Variants in SLCO3A1 observed in about 807,000 individuals in gnomAD.
SLCO3A1 encodes the protein solute carrier organic anion transporter family member 3A1.
In SLCO3A1, 27 loss-of-function variants were observed where a neutral mutation model predicts 63.1. The ratio of observed to expected loss-of-function variants is 0.43; its 90% confidence interval spans 0.32 to 0.59. The LOEUF is 0.59. Ranked by LOEUF, SLCO3A1 falls within the 20% of genes least tolerant of loss-of-function variation. The pLI, the probability that SLCO3A1 is intolerant of heterozygous loss-of-function variation, is 0.09. For synonymous variants in SLCO3A1, 473 were observed against 409.9 expected, an observed-to-expected ratio of 1.15 and a Z score of -1.86; for missense variants, 773 against 945.8, an observed-to-expected ratio of 0.82 and a Z score of 2.40.
chr15:92,140,680 A>G (rs531221309), intron 7 of SLCO3A1, among the ~76,000 whole-genome samples: 270 of 152,300 alleles, frequency 1.8e-3, no homozygotes, highest in African/African-American at 6.2e-3. Flanking sequence ...GGGTGCATAT[A>G]TATTTAGGAT....
At position 92,002,832 on chromosome 15, in the gene SLCO3A1, A is replaced by G. The variant is rs551856653; in HGVS notation, c.646+86374A>G. ...TTCTAGTAGAACACAAGGGATACCTATGCTGATAATATTACATGCACTGTG... is the reference window on the plus strand; with the variant it reads ...TTCTAGTAGAACACAAGGGATACCTGTGCTGATAATATTACATGCACTGTG... On this transcript the variant is annotated intron_variant, in intron 2 of 9. Transcript: ENST00000318445. 2.6e-5 allele frequency among the ~76,000 whole-genome samples: 4 copies of G among 152,232 alleles called. 1 individual carries two copies. Among genetic ancestry groups the G allele is most frequent in the Admixed American group, 1.3e-4 (2 of 15,290 alleles).
downstream of SLCO3A1, among the ~76,000 whole-genome samples, chr15:92,170,385 TG>T (rs2151609474): frequency 6.6e-6 from 1 of 152,310 alleles, no homozygotes; most frequent in Non-Finnish European, 1.5e-5. Context: ...TCCCAGGTAC[TG>T]CTCCCAGCAG....
rs1023468885 is a variant in SLCO3A1, at chr15:91,900,941, T to C, written c.181-15052T>C. Among the ~76,000 whole-genome samples the C allele has an allele frequency of 2.4e-4, 37 of 152,204 alleles. No individual in the cohort carries two copies. Among genetic ancestry groups the C allele is most frequent in the African/African-American group, 6.5e-4 (27 of 41,446 alleles). ...ATATTAACTTCTCCAAATATTATTG[T>C]TGTATTGTTTATTTCGCCTTTCATT... On this transcript the variant is annotated intron_variant, in intron 1 of 9. Transcript: ENST00000318445. This position sits in a 1 kb window ranked among gnomAD's most constrained non-coding sequence, Gnocchi z 4.3.
chr15:92,151,727 A>G (rs2048308584), intron 9 of SLCO3A1, among the ~76,000 whole-genome samples: 1 of 152,218 alleles, frequency 6.6e-6, no homozygotes, highest in Non-Finnish European at 1.5e-5. Context: ...CAAGATCAAG[A>G]TAACTTTTTT....
At chr15:91,905,051 A>G (rs1898260089) in intron 1 of SLCO3A1, among the ~76,000 whole-genome samples, 1 of 152,232 alleles carries the variant, frequency 6.6e-6, no homozygotes, top group African/African-American at 2.4e-5. Context: ...TGAGATGCTT[A>G]CGCTCATCCC....
intron 2 of SLCO3A1, among the ~76,000 whole-genome samples, chr15:92,011,590 G>A (rs1476307872): frequency 6.6e-6 from 1 of 152,154 alleles, no homozygotes; most frequent in Non-Finnish European, 1.5e-5. Context: ...CCACTTCCTT[G>A]ACAGTTATTC....
chr15:92,148,043 C>T (rs962606380), intron 8 of SLCO3A1, among the ~76,000 whole-genome samples: 8 of 152,284 alleles, frequency 5.3e-5, no homozygotes, highest in African/African-American at 1.9e-4. Context: ...ATGGAGAAAC[C>T]TCTTCTCTAC....
chr15:91,990,074 A>G (rs1033607994), intron 2 of SLCO3A1, among the ~76,000 whole-genome samples: 1 of 152,162 alleles, frequency 6.6e-6, no homozygotes, highest in Non-Finnish European at 1.5e-5. Context: ...TTCGCATACC[A>G]TAGATTTTTA....
At chr15:91,976,980 G>A (rs1047623489) in intron 2 of SLCO3A1, among the ~76,000 whole-genome samples, 2 of 152,120 alleles carry the variant, frequency 1.3e-5, no homozygotes, top group African/African-American at 4.8e-5. Context: ...TCAGGAGACA[G>A]GGTTTTGAGA....
chr15:92,151,874 C>T (rs2048310254), intron 9 of SLCO3A1, among the ~76,000 whole-genome samples: 1 of 152,156 alleles, frequency 6.6e-6, no homozygotes, highest in South Asian at 2.1e-4. Context: ...TGGATAAGCA[C>T]AAATACCTAG....
At chr15:92,035,517 G>A (rs1388426177) in intron 2 of SLCO3A1, among the ~76,000 whole-genome samples, 1 of 151,740 alleles carries the variant, frequency 6.6e-6, no homozygotes, top group African/African-American at 2.4e-5. Context: ...ACCAGGCTGT[G>A]GGCTGCCTGG....
intron 2 of SLCO3A1, among the ~76,000 whole-genome samples, chr15:92,000,695 G>A (rs888949373): frequency 7.2e-5 from 11 of 152,222 alleles, no homozygotes; most frequent in African/African-American, 2.4e-4. Context: ...TGAAGCAACA[G>A]CCATCAGCAC....
chr15:92,061,019 C>CTATATTTGG (rs1305076597), intron 2 of SLCO3A1, among the ~76,000 whole-genome samples: 1 of 152,136 alleles, frequency 6.6e-6, no homozygotes, highest in African/African-American at 2.4e-5. Flanking sequence ...CAGTTCATGG[C>CTATATTTGG]TATATTTGGA....
chr15:91,945,455 A>C (rs528055497), intron 2 of SLCO3A1, among the ~76,000 whole-genome samples: 1 of 152,342 alleles, frequency 6.6e-6, no homozygotes, highest in African/African-American at 2.4e-5. Flanking sequence ...GACAGCCAAA[A>C]GTGAATGAAT....
chr15:92,039,611 G>T (rs1162565643), intron 2 of SLCO3A1, among the ~76,000 whole-genome samples: 3 of 152,212 alleles, frequency 2.0e-5, no homozygotes, highest in African/African-American at 7.2e-5. Flanking sequence ...CTTTTACACT[G>T]TTGGTGGGAA....
In SLCO3A1 at chr15:91,862,712, T is replaced by C. The variant is rs1010358391; in HGVS notation, c.180+8624T>C. ...TAACAAATAGTTCCGGAGAAAATAATAGAAGGCAAACTAAATCCCTGCTCA... is the reference window on the plus strand; with the variant it reads ...TAACAAATAGTTCCGGAGAAAATAACAGAAGGCAAACTAAATCCCTGCTCA... On this transcript the variant is annotated intron_variant, in intron 1 of 9. Transcript: ENST00000318445. The surrounding 1 kb of genome is among the most constrained non-coding windows in gnomAD (Gnocchi z 4.0). Among the ~76,000 whole-genome samples, 9 of 152,168 alleles carry C rather than the reference T, an allele frequency of 5.9e-5. No homozygotes were observed. Among genetic ancestry groups the C allele is most frequent in the African/African-American group, 9.7e-5 (4 of 41,426 alleles).
chr15:91,995,734 A>G (rs542661305), intron 2 of SLCO3A1, among the ~76,000 whole-genome samples: 677 of 53,968 alleles, frequency 0.013, 5 homozygotes, highest in African/African-American at 0.054. Context: ...GATTTTCTTG[A>G]AAAAAAAAAA....
chr15:91,941,411 C>A lies in SLCO3A1; in HGVS notation c.646+24953C>A. The A allele has an allele frequency of 2.5e-6, 1 of 400,824 alleles. No individual in the cohort carries two copies. The highest frequency in any genetic ancestry group is 4.9e-6 in the Non-Finnish European group (1 of 202,506). The allele number at this position is 400,824 out of a possible 1,614,324, so 24.8% of individuals were successfully genotyped here. Reference sequence around the variant, plus strand: ...TCTGCCACCCAGCAGATCTGTGTCACGGGAGTGGCGCTGTCACTCGTTGAG... The same window carrying A: ...TCTGCCACCCAGCAGATCTGTGTCAAGGGAGTGGCGCTGTCACTCGTTGAG... On this transcript the variant is annotated intron_variant, in intron 2 of 9. Transcript: ENST00000318445. This position sits in a 1 kb window ranked among gnomAD's most constrained non-coding sequence, Gnocchi z 4.4.
chr15:92,104,949 C>T (rs2047649138), intron 4 of SLCO3A1, among the ~76,000 whole-genome samples: 1 of 151,438 alleles, frequency 6.6e-6, no homozygotes, highest in African/African-American at 2.4e-5. Context: ...TTTGAAAAGC[C>T]ACCTCCAGCC....
Sources: allele counts gnomAD v4.1 joint callset (sites outside exome capture counted in the v4.1 genomes callset), GRCh38; gene constraint gnomAD v4.1.1; non-coding constraint Gnocchi (gnomAD v3.1); transcripts MANE v1.5; gene names NCBI Gene and HGNC (gene_info 2026-07-23, HGNC 2026-07-21).